Variants in SLC1A1 observed in about 807,000 individuals in gnomAD.
The protein encoded by SLC1A1 is solute carrier family 1 member 1, also known as excitatory amino acid transporter 3.
A neutral mutation model predicts 53.3 loss-of-function variants in SLC1A1; 43 were observed. The ratio of observed to expected loss-of-function variants is 0.81; its 90% CI spans 0.63 to 1.04. The LOEUF (loss-of-function observed/expected upper bound fraction) is 1.04, where lower values mean the gene tolerates loss of function less well. SLC1A1 is among the 50% of genes least tolerant of loss of function. The probability of loss-of-function intolerance (pLI) is 0.00; values close to 1 mark genes in which losing one functional copy is unlikely to be tolerated. For synonymous variants in SLC1A1, 307 were observed against 243.2 expected (o/e 1.26, Z -2.44); for missense variants, 748 against 664.9 (o/e 1.12, Z -1.37).
chr9:4,581,687 G>A (rs549840780), intron 10 of SLC1A1, among the ~76,000 whole-genome samples: 4 of 152,326 alleles, frequency 2.6e-5, no homozygotes, highest in Admixed American at 2.0e-4. Flanking sequence ...ACTTAGGTCA[G>A]AAGAGATCCA....
chr9:4,585,172 C>T (rs1821479019), intron 11 of SLC1A1, 140 bp from the exon 12 acceptor site: 1 of 1,116,510 alleles, frequency 9.0e-7, no homozygotes, highest in African/African-American at 1.5e-5. Flanking sequence ...TGTGAGGAGC[C>T]TTCAGTCAGT....
At chr9:4,498,249 C>T (rs1820508157) in intron 1 of SLC1A1, among the ~76,000 whole-genome samples, 1 of 152,088 alleles carries the variant, frequency 6.6e-6, no homozygotes, top group Admixed American at 6.6e-5. Context: ...TGTGTTTGAA[C>T]TGCTGATCAG....
Position 4,582,139 on chromosome 9 carries a change from C to G in SLC1A1, c.1194-899C>G, listed in dbSNP as rs748615172. On this transcript the variant is annotated intron_variant, in intron 10 of 11. Transcript: ENST00000262352. ...AGGGATTTTTCAGGGCATGTTGAAC[C>G]CTTGTTTCCTTCAGAATGATCCAAT... Among the ~76,000 whole-genome samples, 55 of 152,270 alleles carry G rather than the reference C, an allele frequency of 3.6e-4. 1 individual carries two copies. The highest frequency in any genetic ancestry group is 3.4e-3 in the Middle Eastern group (1 of 294).
At position 4,499,122 on chromosome 9, in the gene SLC1A1, G is replaced by C. The variant is rs1434816727; in HGVS notation, c.91+8352G>C. On this transcript the variant is annotated intron_variant, in intron 1 of 11. Transcript: ENST00000262352. ...TGCAGTGGCACGATCTTGGCTCACT[G>C]CAACCCCTGCCTCCCAGGTTCAAGC... is the stretch of plus-strand genomic sequence containing the variant. Among the ~76,000 whole-genome samples the C allele has an allele frequency of 2.1e-4, 31 of 148,302 alleles. No individual in the cohort carries two copies. The Admixed American group carries it at 2.1e-3, about 10-fold the overall frequency.
chr9:4,575,984 C>A lies in SLC1A1; in HGVS notation c.876-17C>A, dbSNP rs764272790. 18 of 1,613,364 alleles carry A rather than the reference C, an allele frequency of 1.1e-5. No individual in the cohort carries two copies. The highest frequency in any genetic ancestry group is 1.4e-5 in the Non-Finnish European group (17 of 1,179,368). On this transcript the variant is annotated splice_polypyrimidine_tract_variant and intron_variant, in intron 8 of 11. Transcript: ENST00000262352. ...GGTATTATCTTTGAAACTTTAATTT[C>A]TCTTTCTTGTTTACAGGCTTGCAAT... is the stretch of plus-strand genomic sequence containing the variant.
At chr9:4,510,140 G>C (rs1023142497) in intron 1 of SLC1A1, among the ~76,000 whole-genome samples, 11 of 152,136 alleles carry the variant, frequency 7.2e-5, no homozygotes, top group African/African-American at 2.4e-4. Flanking sequence ...AGTCTATTTT[G>C]ATAACATCTG....
rs372373189 is a variant in SLC1A1, at chr9:4,546,211, C to A, written c.232+1504C>A. 2.0e-5 allele frequency among the ~76,000 whole-genome samples: 3 copies of A among 152,242 alleles called. No individual in the cohort carries two copies. The South Asian group carries it at 6.2e-4, about 32-fold the overall frequency. On this transcript the variant is annotated intron_variant, in intron 2 of 11. Coordinates refer to ENST00000262352, the MANE Select transcript of SLC1A1 (RefSeq NM_004170.6). ...TGTCCTTAAATGGTCTTGATGTTCT[C>A]GGCTTATGAGAAACCTAAAGAGAAC...
At chr9:4,534,183 A>T (rs1314821415) in intron 1 of SLC1A1, among the ~76,000 whole-genome samples, 1 of 152,184 alleles carries the variant, frequency 6.6e-6, no homozygotes, top group Non-Finnish European at 1.5e-5. Flanking sequence ...TTCAAAAGCT[A>T]GCAGAAGGCA....
At chr9:4,580,146 G>A (rs994715916) in intron 10 of SLC1A1, among the ~76,000 whole-genome samples, 5 of 151,950 alleles carry the variant, frequency 3.3e-5, no homozygotes, top group Non-Finnish European at 7.4e-5. Flanking sequence ...TGGGCAGACT[G>A]CTTGAGCCCA....
intron 7 of SLC1A1, among the ~76,000 whole-genome samples, chr9:4,572,597 G>A (rs1000701285): frequency 2.0e-5 from 3 of 152,188 alleles, no homozygotes; most frequent in Non-Finnish European, 4.4e-5. Context: ...CCCCAGGGTG[G>A]AGTGCAGTGG....
intron 1 of SLC1A1, among the ~76,000 whole-genome samples, chr9:4,497,362 G>C (rs1372206149): frequency 6.6e-6 from 1 of 152,168 alleles, no homozygotes; most frequent in African/African-American, 2.4e-5. Flanking sequence ...GCTGCTGTGT[G>C]ATATTATTAC....
At chr9:4,497,368 A>G in intron 1 of SLC1A1, among the ~76,000 whole-genome samples, 1 of 152,110 alleles carries the variant, frequency 6.6e-6, no homozygotes, top group East Asian at 1.9e-4. Context: ...GTGTGATATT[A>G]TTACCCTATA....
At chr9:4,573,162 C>T (rs1234168253) in intron 7 of SLC1A1, among the ~76,000 whole-genome samples, 1 of 152,208 alleles carries the variant, frequency 6.6e-6, no homozygotes, top group Non-Finnish European at 1.5e-5. Flanking sequence ...ATTTCAGTGT[C>T]TGTCCTCTCC....
chr9:4,557,497 T>C (rs1309295900), intron 2 of SLC1A1, among the ~76,000 whole-genome samples: 1 of 152,056 alleles, frequency 6.6e-6, no homozygotes. Context: ...TGAGATTAAT[T>C]AAAACTGGCC....
At chr9:4,527,720 A>G (rs1412669463) in intron 1 of SLC1A1, among the ~76,000 whole-genome samples, 2 of 152,036 alleles carry the variant, frequency 1.3e-5, no homozygotes, top group East Asian at 3.9e-4. Context: ...GAACATCTCT[A>G]TTATATGGAG....
rs193085398 is a variant in SLC1A1 at position 4,574,068 on chromosome 9, C to T, written c.875+54C>T. 1.6e-5 allele frequency: 19 copies of T among 1,198,162 alleles called. No individual in the cohort carries two copies. In the African/African-American group the frequency reaches 2.8e-4, roughly 18 times the overall value. 74.2% of individuals were successfully genotyped at this position (1,198,162 alleles called of 1,614,324 possible). On this transcript the variant is annotated intron_variant, in intron 8 of 11. Coordinates refer to ENST00000262352, the MANE Select transcript of SLC1A1 (RefSeq NM_004170.6). ...AACCTCCTTTGATCTAATAGGATGGCCGCTGAGAGGTTGGGTTTCAGTTGG... is the reference window on the plus strand; with the variant it reads ...AACCTCCTTTGATCTAATAGGATGGTCGCTGAGAGGTTGGGTTTCAGTTGG...
At chr9:4,550,126 A>G (rs2130888596) in intron 2 of SLC1A1, among the ~76,000 whole-genome samples, 1 of 152,320 alleles carries the variant, frequency 6.6e-6, no homozygotes, top group Non-Finnish European at 1.5e-5. Context: ...TGGACAAGTC[A>G]CATTATTAAA....
At chr9:4,515,185 A>T (rs939784540) in intron 1 of SLC1A1, among the ~76,000 whole-genome samples, 1 of 152,098 alleles carries the variant, frequency 6.6e-6, no homozygotes, top group Admixed American at 6.6e-5. Context: ...GAAGAAAACT[A>T]ATCAGATGCT....
intron 1 of SLC1A1, among the ~76,000 whole-genome samples, chr9:4,521,164 G>A (rs944474649): frequency 6.6e-6 from 1 of 152,058 alleles, no homozygotes; most frequent in Non-Finnish European, 1.5e-5. Context: ...ATGTATTCTA[G>A]ACCCTTACCA....
Sources: gnomAD v4.1 joint callset for allele counts (sites outside exome capture counted in the v4.1 genomes callset) on GRCh38, gnomAD v4.1.1 for gene constraint, MANE v1.5 for transcripts, NCBI Gene and HGNC (gene_info 2026-07-23, HGNC 2026-07-21) for gene names.